PTK2: variants seen among roughly 807,000 people sequenced by gnomAD.
PTK2 encodes the protein protein tyrosine kinase 2, also known as focal adhesion kinase 1.
PTK2 carries 45 observed loss-of-function variants against 150.1 expected under a neutral mutation model. That is an observed-to-expected ratio of 0.30 (90% confidence interval 0.24 to 0.38). The LOEUF (loss-of-function observed/expected upper bound fraction) is 0.38. Among genes scored for constraint, PTK2 ranks in the 10% least tolerant of loss-of-function variants. The probability of loss-of-function intolerance (pLI) is 1.00; values close to 1 mark genes in which losing one functional copy is unlikely to be tolerated. For synonymous variants in PTK2, 432 were observed against 449.2 expected (o/e 0.96, Z 0.48); for missense variants, 919 against 1,307.3 (o/e 0.70, Z 4.58).
intron 17 of PTK2, chr8:140,750,192 C>A (rs1044083465): frequency 1.3e-5 from 2 of 152,150 alleles, no homozygotes; most frequent in Non-Finnish European, 2.9e-5. Flanking sequence ...ATGTAGTCAC[C>A]ACATGGCTTA....
chr8:140,935,256 T>C (rs1041442185), intron 1 of PTK2, among the ~76,000 whole-genome samples: 3 of 152,254 alleles, frequency 2.0e-5, no homozygotes, highest in East Asian at 1.9e-4. Flanking sequence ...GAGCATATTA[T>C]AGCAGGAGCT....
chr8:140,997,696 T>C (rs2100198323), intron 1 of PTK2, among the ~76,000 whole-genome samples: 1 of 152,206 alleles, frequency 6.6e-6, no homozygotes, highest in Non-Finnish European at 1.5e-5. Context: ...CCCAGCACTT[T>C]GGGAGGCCAA....
intron 8 of PTK2, among the ~76,000 whole-genome samples, chr8:140,830,115 TTAA>T (rs2100114491): frequency 1.3e-5 from 2 of 151,644 alleles, no homozygotes; most frequent in South Asian, 2.1e-4. Context: ...ACACACAATA[TTAA>T]TGATTCCACC....
chr8:140,827,563 C>T (rs1295500440), intron 8 of PTK2, among the ~76,000 whole-genome samples: 1 of 152,074 alleles, frequency 6.6e-6, no homozygotes, highest in African/African-American at 2.4e-5. Flanking sequence ...GGATGGAGAG[C>T]AGTAGGGAAG....
chr8:140,888,234 C>G (rs1427109915), intron 3 of PTK2, among the ~76,000 whole-genome samples: 1 of 152,152 alleles, frequency 6.6e-6, no homozygotes, highest in African/African-American at 2.4e-5. Context: ...TTATGTTGTT[C>G]AGTCCCTTTG....
At chr8:140,795,468 A>C (rs1037759211) in intron 12 of PTK2, among the ~76,000 whole-genome samples, 5 of 152,050 alleles carry the variant, frequency 3.3e-5, no homozygotes, top group African/African-American at 1.2e-4. Context: ...CCACCCCTTC[A>C]GGTGCGACTC....
At chr8:141,002,055 C>T (rs900955934), upstream of PTK2, 1 of 152,194 alleles carries the variant, frequency 6.6e-6, no homozygotes, top group African/African-American at 2.4e-5. Context: ...CTCGCCCCGA[C>T]ACCGACCCGG....
intron 1 of PTK2, among the ~76,000 whole-genome samples, chr8:140,973,364 A>C (rs2100188075): frequency 6.6e-6 from 1 of 152,180 alleles, no homozygotes; most frequent in Non-Finnish European, 1.5e-5. Context: ...TTCTCCATCA[A>C]ATGGTCATTT....
rs193163868 is a variant in PTK2, at chr8:140,968,189, T to C, written c.-122+32936A>G. On this transcript the variant is annotated intron_variant, in intron 1 of 31. Transcript: ENST00000522684. The stretch of plus-strand genomic sequence containing the variant: ...TACCCTAAAAGAGGCTGTAAAATTA[T>C]TGAATTTTAAAAACCAATATTAACA... Among the ~76,000 whole-genome samples, 458 of 152,322 alleles carry C rather than the reference T, an allele frequency of 3.0e-3. 14 individuals are homozygous for C. Among genetic ancestry groups the C allele is most frequent in the Admixed American group, 0.028 (430 of 15,298 alleles).
intron 7 of PTK2, chr8:140,833,027 C>A (rs1238165953): frequency 1.9e-6 from 1 of 518,970 alleles, no homozygotes; most frequent in South Asian, 1.4e-5. Flanking sequence ...AAAGAACTTA[C>A]CATATTCATT....
At chr8:140,721,555 T>C (rs1199550101) in intron 22 of PTK2, 1 of 152,052 alleles carries the variant, frequency 6.6e-6, no homozygotes, top group African/African-American at 2.4e-5. Context: ...GTTAAAAATA[T>C]GTATTTTTTT....
chr8:140,879,676 GAAAAAAAAAAAAAA>G, intron 3 of PTK2, 39 bp from the exon 4 acceptor site: 1 of 33,816 alleles, frequency 3.0e-5, no homozygotes, highest in Non-Finnish European at 4.4e-5. Flanking sequence ...GTTATAAACT[GAAAAAAAAAAAAAA>G]AAAAAAAAAA....
chr8:140,768,540 G>A (rs2100073709), intron 14 of PTK2, among the ~76,000 whole-genome samples: 1 of 152,150 alleles, frequency 6.6e-6, no homozygotes, highest in Non-Finnish European at 1.5e-5. Flanking sequence ...GTGGAAAAAG[G>A]GCAAGGCTGG....
intron 1 of PTK2, among the ~76,000 whole-genome samples, chr8:140,954,105 G>C (rs1473631931): frequency 6.6e-6 from 1 of 152,036 alleles, no homozygotes; most frequent in African/African-American, 2.4e-5. Context: ...CTCCCGAGTA[G>C]CTGGGATTAC....
chr8:140,924,753 A>G (rs989606873), intron 2 of PTK2, among the ~76,000 whole-genome samples: 14 of 152,222 alleles, frequency 9.2e-5, no homozygotes, highest in African/African-American at 3.4e-4. Context: ...CATAAAGTCT[A>G]GGAAAATCAT....
chr8:140,659,317 T>C (rs1588581046), exon 32 of PTK2: 3 of 617,448 alleles, frequency 4.9e-6, no homozygotes, highest in Admixed American at 3.3e-5. Flanking sequence ...TAAACTTATA[T>C]GAGAAAGATT....
chr8:140,699,698 C>G (rs1564633773), intron 26 of PTK2, among the ~76,000 whole-genome samples: 1 of 152,054 alleles, frequency 6.6e-6, no homozygotes, highest in Non-Finnish European at 1.5e-5. Flanking sequence ...TGTGGTAATG[C>G]AAAAACCAAA....
intron 5 of PTK2, among the ~76,000 whole-genome samples, chr8:140,860,014 G>T (rs1012142755): frequency 1.3e-5 from 2 of 152,142 alleles, no homozygotes; most frequent in Non-Finnish European, 2.9e-5. Flanking sequence ...TTTCTTGCCA[G>T]ATCAGGCTAA....
intron 24 of PTK2, among the ~76,000 whole-genome samples, chr8:140,705,599 C>T (rs1180898577): frequency 2.0e-5 from 3 of 152,142 alleles, no homozygotes; most frequent in African/African-American, 7.2e-5. Context: ...GTAAGGTATA[C>T]CCCAGTAAAA....
Sources: gnomAD v4.1 joint callset for allele counts (sites outside exome capture counted in the v4.1 genomes callset) on GRCh38, gnomAD v4.1.1 for gene constraint, MANE v1.5 for transcripts, NCBI Gene and HGNC (gene_info 2026-07-23, HGNC 2026-07-21) for gene names.